IMMP2L: variants seen among roughly 807,000 people sequenced by gnomAD.
IMMP2L encodes inner mitochondrial membrane peptidase subunit 2, also known as mitochondrial inner membrane protease subunit 2.
A neutral mutation model predicts 19.3 loss-of-function variants in IMMP2L; 18 were observed. The observed-to-expected ratio is 0.93, with a 90% confidence interval of 0.64 to 1.38. IMMP2L has a LOEUF of 1.38. Among genes scored for constraint, IMMP2L ranks in the 40% most tolerant of loss-of-function variants. IMMP2L has a pLI of 0.00. For missense variants in IMMP2L, 233 were observed against 218.2 expected (o/e 1.07, Z -0.43); for synonymous variants, 76 against 73.0 (o/e 1.04, Z -0.21).
At chr7:110,743,582 G>A (rs1797130129) in intron 5 of IMMP2L, among the ~76,000 whole-genome samples, 1 of 152,182 alleles carries the variant, frequency 6.6e-6, no homozygotes, top group South Asian at 2.1e-4. Flanking sequence ...TTCCAACTGA[G>A]GTACCCCGTT....
chr7:111,101,240 C>T (rs1412841793), intron 3 of IMMP2L, among the ~76,000 whole-genome samples: 1 of 151,462 alleles, frequency 6.6e-6, no homozygotes, highest in Non-Finnish European at 1.5e-5. Context: ...TTCATTTAGA[C>T]ATTTCATCTC....
intron 3 of IMMP2L, among the ~76,000 whole-genome samples, chr7:111,394,050 C>T (rs941286866): frequency 1.3e-5 from 2 of 152,052 alleles, no homozygotes; most frequent in Non-Finnish European, 1.5e-5. Flanking sequence ...TTTCACCAAT[C>T]AACATATTTC....
rs1798316916 is a variant in IMMP2L at position 110,760,941 on chromosome 7, A to C, written c.409-97220T>G. ...TGTATAAGTGACATAAGTGGGTTGG[A>C]GAATAGAGAAAGCAAACATTGCAAT... On this transcript the variant is annotated intron_variant, in intron 5 of 5. Transcript: ENST00000405709. This position sits in a 1 kb window ranked among gnomAD's most constrained non-coding sequence, Gnocchi z 4.2. Among the ~76,000 whole-genome samples the C allele has an allele frequency of 6.6e-6, 1 of 152,112 alleles. No individual in the cohort carries two copies. Among genetic ancestry groups the C allele is most frequent in the South Asian group, 2.1e-4 (1 of 4,828 alleles).
chr7:111,097,152 C>T (rs185133479), intron 3 of IMMP2L: 68 of 151,948 alleles, frequency 4.5e-4, no homozygotes, highest in African/African-American at 1.6e-3. Flanking sequence ...CAATAGGCAA[C>T]ATTCTCTATT....
At chr7:111,022,096 T>C (rs1826346219) in intron 3 of IMMP2L, among the ~76,000 whole-genome samples, 1 of 152,162 alleles carries the variant, frequency 6.6e-6, no homozygotes, top group Non-Finnish European at 1.5e-5. Flanking sequence ...GAATCACCTA[T>C]GCTGAGCATT....
chr7:111,269,071 A>G (rs944355234), intron 3 of IMMP2L, among the ~76,000 whole-genome samples: 1 of 152,180 alleles, frequency 6.6e-6, no homozygotes, highest in Non-Finnish European at 1.5e-5. Flanking sequence ...GGCTCTGCCT[A>G]TGCTACTTCT....
At chr7:110,915,900 T>A (rs2129549434) in intron 4 of IMMP2L, among the ~76,000 whole-genome samples, 1 of 152,270 alleles carries the variant, frequency 6.6e-6, no homozygotes, top group Admixed American at 6.5e-5. Context: ...AATCATGCCA[T>A]CTCCTGAGAC....
At chr7:111,055,474 T>C (rs1188252995) in intron 3 of IMMP2L, among the ~76,000 whole-genome samples, 1 of 152,184 alleles carries the variant, frequency 6.6e-6, no homozygotes, top group Non-Finnish European at 1.5e-5. Context: ...ATTGCTAAGA[T>C]ACCCTGACAG....
intron 1 of IMMP2L, among the ~76,000 whole-genome samples, chr7:111,533,210 G>A (rs549666393): frequency 1.6e-4 from 25 of 152,240 alleles, no homozygotes; most frequent in African/African-American, 6.0e-4. Context: ...AAAAAGTCCA[G>A]GTATTATAAC....
At chr7:110,990,913 A>G (rs1316532957) in intron 3 of IMMP2L, among the ~76,000 whole-genome samples, 1 of 152,172 alleles carries the variant, frequency 6.6e-6, no homozygotes, top group East Asian at 1.9e-4. Context: ...AATAAACCTC[A>G]TATTCATATT....
chr7:111,188,650 T>A (rs1808535825), intron 3 of IMMP2L, among the ~76,000 whole-genome samples: 1 of 152,034 alleles, frequency 6.6e-6, no homozygotes, highest in South Asian at 2.1e-4. Context: ...TTTAAGGAAG[T>A]AATTTGTTTT....
chr7:111,249,561 C>A (rs934968913), intron 3 of IMMP2L, among the ~76,000 whole-genome samples: 3 of 152,110 alleles, frequency 2.0e-5, no homozygotes, highest in African/African-American at 7.2e-5. Context: ...GTTGCTTTAA[C>A]TAAATATTTA....
At chr7:111,209,947 A>T (rs1811133307) in intron 3 of IMMP2L, among the ~76,000 whole-genome samples, 1 of 152,122 alleles carries the variant, frequency 6.6e-6, no homozygotes. Flanking sequence ...GTTCCAGTTC[A>T]TGGGAGGGAA....
chr7:110,796,879 T>C (rs1026452664), intron 5 of IMMP2L, among the ~76,000 whole-genome samples: 1 of 152,058 alleles, frequency 6.6e-6, no homozygotes. Context: ...ATACAAAGTA[T>C]AGCTAAATGC....
At chr7:111,415,960 GAA>G (rs558117357) in intron 3 of IMMP2L, among the ~76,000 whole-genome samples, 1 of 151,810 alleles carries the variant, frequency 6.6e-6, no homozygotes, top group South Asian at 2.1e-4. Flanking sequence ...CTAAATTTCT[GAA>G]AAGAGATTTG....
chr7:110,770,038 C>G (rs1183615285), intron 5 of IMMP2L, among the ~76,000 whole-genome samples: 3 of 152,150 alleles, frequency 2.0e-5, no homozygotes, highest in East Asian at 3.9e-4. Flanking sequence ...TTCATACAAA[C>G]AGAGATGCCC....
intron 5 of IMMP2L, among the ~76,000 whole-genome samples, chr7:110,783,324 C>A (rs1799866006): frequency 6.6e-6 from 1 of 151,708 alleles, no homozygotes; most frequent in South Asian, 2.1e-4. Flanking sequence ...TCCTCAATTA[C>A]AATGAGGAAA....
chr7:111,068,169 ACAT>A (rs1017458735), intron 3 of IMMP2L, among the ~76,000 whole-genome samples: 18 of 152,214 alleles, frequency 1.2e-4, no homozygotes, highest in Non-Finnish European at 2.5e-4. Flanking sequence ...ATACATACAT[ACAT>A]CAAGAGACCA....
chr7:110,671,697 A>C (rs1232300082), intron 5 of IMMP2L, among the ~76,000 whole-genome samples: 2 of 151,938 alleles, frequency 1.3e-5, no homozygotes, highest in Admixed American at 1.3e-4. Flanking sequence ...CTTTCCACAA[A>C]CCTATAGTCT....
Sources: allele counts gnomAD v4.1 joint callset (sites outside exome capture counted in the v4.1 genomes callset), GRCh38; gene constraint gnomAD v4.1.1; non-coding constraint Gnocchi (gnomAD v3.1); transcripts MANE v1.5; gene names NCBI Gene and HGNC (gene_info 2026-07-23, HGNC 2026-07-21).